The following GLRA2 variants were observed in gnomAD, a reference collection of about 807,000 sequenced individuals.
GLRA2 encodes glycine receptor alpha 2.
GLRA2 carries 11 observed loss-of-function variants against 31.6 expected under a neutral mutation model. That is an observed-to-expected ratio of 0.35 (90% CI 0.22 to 0.58). The LOEUF (loss-of-function observed/expected upper bound fraction) is 0.58. Ranked by LOEUF, GLRA2 falls within the 20% of genes least tolerant of loss-of-function variation. The probability of loss-of-function intolerance (pLI) is 0.84; values close to 1 mark genes in which losing one functional copy is unlikely to be tolerated. For missense variants in GLRA2, 212 were observed against 351.8 expected (o/e 0.60, Z 3.18); for synonymous variants, 132 against 134.0 (o/e 0.99, Z 0.10).
At chrX:14,595,308 A>G (rs1465323792) in intron 4 of GLRA2, among the ~76,000 whole-genome samples, 2 of 112,002 alleles carry the variant, frequency 1.8e-5, no homozygotes, top group African/African-American at 6.5e-5. Flanking sequence ...TATTTATTAT[A>G]TATAGCAGCT....
chrX:14,609,001 C>G lies in GLRA2; in HGVS notation c.726C>G (p.Thr242=), dbSNP rs761013909. The G allele has an allele frequency of 7.4e-6, 8 of 1,075,834 alleles. No individual in the cohort carries two copies. Among genetic ancestry groups the G allele is most frequent in the Non-Finnish European group, 1.0e-5 (8 of 776,902 alleles). 88.7% of individuals were successfully genotyped at this position (1,075,834 alleles called of 1,213,427 possible). The change falls in exon 7 of 9, where the codon ACC becomes ACG. Residue 242 remains threonine, a synonymous_variant. Coordinates refer to ENST00000218075, the MANE Select transcript of GLRA2 (RefSeq NM_002063.4). ...ATTTCCTCCTTCTAGGAAAGTTTAC[C>G]TGCATTGAGGTCAAGTTTCATCTGG... The part of the protein sequence containing the change: ...CTKHYNTGKF[T]CIEVKFHLER...
intron 4 of GLRA2, among the ~76,000 whole-genome samples, chrX:14,590,200 G>A (rs1323433873): frequency 9.0e-6 from 1 of 111,260 alleles, no homozygotes; most frequent in African/African-American, 3.3e-5. Flanking sequence ...GCAATTCTGG[G>A]TGTTGATAAT....
intron 5 of GLRA2, among the ~76,000 whole-genome samples, 182 bp downstream of exon 5, chrX:14,604,579 T>C (rs1390457602): frequency 9.3e-6 from 1 of 107,331 alleles, no homozygotes; most frequent in Non-Finnish European, 1.9e-5. Flanking sequence ...TGTGTGTGTG[T>C]GTGTGTGTGT....
intron 7 of GLRA2, among the ~76,000 whole-genome samples, chrX:14,677,756 T>C (rs892409867): frequency 4.5e-5 from 5 of 112,190 alleles, no homozygotes; most frequent in Non-Finnish European, 7.5e-5. Context: ...AGAGCAACTC[T>C]TTACTTCCCA....
At position 14,730,459 on chromosome X, in the gene GLRA2, C is replaced by A. The variant is rs773738326; in HGVS notation, c.1333C>A (p.Arg445=). The change falls in exon 9 of 9, where the codon CGG becomes AGG. Residue 445 remains arginine, a synonymous_variant. Coordinates refer to ENST00000218075, the MANE Select transcript of GLRA2 (RefSeq NM_002063.4). ...TTACTGGATCACATACAAGATCATT[C>A]GGCATGAAGATGTCCACAAGAAATA... ...IFYWITYKII[R]HEDVHKK 2 of 1,206,941 alleles carry A rather than the reference C, an allele frequency of 1.7e-6. No individual in the cohort carries two copies. The highest frequency in any genetic ancestry group is 1.8e-5 in the South Asian group (1 of 56,815).
chrX:14,448,845 GAA>G, the GLRA2 span, among the ~76,000 whole-genome samples: 6 of 110,903 alleles, frequency 5.4e-5, no homozygotes, highest in Non-Finnish European at 7.5e-5. Context: ...CCTAGAGAGA[GAA>G]AGAGTTAAGC....
chrX:14,623,339 A>C (rs1436222761), intron 7 of GLRA2, among the ~76,000 whole-genome samples: 1 of 111,073 alleles, frequency 9.0e-6, no homozygotes, highest in African/African-American at 3.3e-5. Flanking sequence ...AATACCCTTT[A>C]TTTCTTTCTC....
At chrX:14,716,161 A>G (rs1338803114) in intron 8 of GLRA2, among the ~76,000 whole-genome samples, 1 of 111,317 alleles carries the variant, frequency 9.0e-6, no homozygotes, top group Non-Finnish European at 1.9e-5. Flanking sequence ...GTTGGGAAGA[A>G]AAATCTTAAA....
chrX:14,714,526 C>T (rs925559471), intron 8 of GLRA2, among the ~76,000 whole-genome samples: 3 of 111,664 alleles, frequency 2.7e-5, no homozygotes, highest in East Asian at 2.8e-4. Context: ...CTCCCTATGC[C>T]GCCACCCCAG....
In GLRA2 at chrX:14,607,113, A is replaced by G. The variant is rs1601759303; in HGVS notation, c.578-18A>G. The G allele has an allele frequency of 6.9e-6, 8 of 1,151,356 alleles. No individual in the cohort carries two copies. In the East Asian group the frequency reaches 2.1e-4, roughly 30 times the overall value. 94.9% of individuals were successfully genotyped at this position (1,151,356 alleles called of 1,213,427 possible). A position where few individuals can be genotyped will look rare whatever the true frequency, so the allele number is the denominator to read the frequency against. On this transcript the variant is annotated intron_variant, in intron 5 of 8. Coordinates refer to ENST00000218075, the MANE Select transcript of GLRA2 (RefSeq NM_002063.4). ...TGGAAAGCCATATTCAATTTTCACT[A>G]TGATTTCTTTACCTCAGTTGGGTAC...
At chrX:14,483,680 T>A in the GLRA2 span, among the ~76,000 whole-genome samples, 3 of 112,004 alleles carry the variant, frequency 2.7e-5, no homozygotes, top group African/African-American at 9.7e-5. Flanking sequence ...AATAATGTCT[T>A]ATTGCATTTT....
At chrX:14,689,149 A>G (rs1215954041) in intron 7 of GLRA2, among the ~76,000 whole-genome samples, 2 of 111,701 alleles carry the variant, frequency 1.8e-5, no homozygotes, top group Non-Finnish European at 3.8e-5. Flanking sequence ...CTCTGCTTTT[A>G]TGTCCACTGT....
At chrX:14,499,497 G>C in the GLRA2 span, among the ~76,000 whole-genome samples, 2 of 111,151 alleles carry the variant, frequency 1.8e-5, no homozygotes, top group Non-Finnish European at 3.8e-5. Context: ...AGAAAATGTG[G>C]TACATATACA....
the GLRA2 span, among the ~76,000 whole-genome samples, chrX:14,510,924 ATTTT>A: frequency 9.1e-6 from 1 of 109,624 alleles, no homozygotes; most frequent in East Asian, 2.8e-4. Flanking sequence ...TTTTTTATTT[ATTTT>A]TATTTTTTTA....
chrX:14,596,884 C>T lies in GLRA2; in HGVS notation c.495-7431C>T, dbSNP rs982838326. 6.3e-5 allele frequency among the ~76,000 whole-genome samples: 7 copies of T among 111,259 alleles called. No homozygotes were observed. In the East Asian group the frequency reaches 1.1e-3, roughly 18 times the overall value. On this transcript the variant is annotated intron_variant, in intron 4 of 8. Coordinates refer to ENST00000218075, the MANE Select transcript of GLRA2 (RefSeq NM_002063.4). ...CTGCATTCTAACCAAGCCCATAAGA[C>T]AATGCTTATGCCCACCAGAGACTGA... is the stretch of plus-strand genomic sequence containing the variant.
intron 3 of GLRA2, among the ~76,000 whole-genome samples, chrX:14,575,557 G>A (rs112116296): frequency 0.029 from 3,206 of 109,842 alleles, 57 homozygotes; most frequent in Non-Finnish European, 0.044. Flanking sequence ...AAACTCCTGG[G>A]CTCAAACGAT....
chrX:14,624,646 TG>T (rs2090566308), intron 7 of GLRA2, among the ~76,000 whole-genome samples: 1 of 112,142 alleles, frequency 8.9e-6, no homozygotes, highest in Non-Finnish European at 1.9e-5. Context: ...TCAGTTTCCA[TG>T]TAGTTGTGTG....
At chrX:14,570,758 T>C (rs1395994129) in intron 2 of GLRA2, among the ~76,000 whole-genome samples, 1 of 111,993 alleles carries the variant, frequency 8.9e-6, no homozygotes, top group African/African-American at 3.2e-5. Flanking sequence ...ATGTCTCCAA[T>C]GTAGCATAGT....
At chrX:14,604,266 G>C (rs2090307218) in intron 4 of GLRA2, 49 bp from the exon 5 acceptor site, 1 of 728,187 alleles carries the variant, frequency 1.4e-6, no homozygotes, top group Admixed American at 2.3e-5. Context: ...TCAACAACTG[G>C]ACTTCATAGA....
Sources: allele counts gnomAD v4.1 joint callset (sites outside exome capture counted in the v4.1 genomes callset), GRCh38; gene constraint gnomAD v4.1.1; transcripts MANE v1.5; gene names NCBI Gene and HGNC (gene_info 2026-07-23, HGNC 2026-07-21).